The following OTULINL variants were observed in gnomAD, a reference collection of about 807,000 sequenced individuals.
OTULINL encodes the protein OTU deubiquitinase with linear linkage specificity like, also known as inactive ubiquitin thioesterase OTULINL.
In OTULINL, 42 loss-of-function variants were observed where a neutral mutation model predicts 43.9. The ratio of observed to expected loss-of-function variants is 0.96; its 90% CI spans 0.75 to 1.24. OTULINL has a LOEUF of 1.24. Ranked by LOEUF, OTULINL falls within the 50% of genes most tolerant of loss-of-function variation. The probability of loss-of-function intolerance (pLI) is 0.00; values close to 1 mark genes in which losing one functional copy is unlikely to be tolerated. For synonymous variants in OTULINL, 172 were observed against 153.6 expected (o/e 1.12, Z -0.88); for missense variants, 411 against 426.4 (o/e 0.96, Z 0.32).
chr5:14,597,887 A>G (rs1759313831), intron 1 of OTULINL, among the ~76,000 whole-genome samples: 1 of 152,084 alleles, frequency 6.6e-6, no homozygotes, highest in Admixed American at 6.5e-5. Flanking sequence ...CATGTGTTCT[A>G]GGTTTTTTTT....
Position 14,581,807 on chromosome 5 carries a change from GC to G in OTULINL, c.-85del. On this transcript the variant is annotated 5_prime_UTR_variant, in exon 1 of 8. Coordinates refer to ENST00000274217, the MANE Select transcript of OTULINL (RefSeq NM_019018.3). ...TCCCCAGCCCGCCTCAGGGAAGCGA[GC>G]CCGGGCGCCGGCGGGCGGCCGTCGC... 1 of 1,121,146 alleles carries G rather than the reference GC, an allele frequency of 8.9e-7. No individual in the cohort carries two copies. The highest frequency in any genetic ancestry group is 1.1e-6 in the Non-Finnish European group (1 of 874,762). 69.4% of individuals were successfully genotyped at this position (1,121,146 alleles called of 1,614,324 possible). A position where few individuals can be genotyped will look rare whatever the true frequency, so the allele number is the denominator to read the frequency against.
chr5:14,592,274 G>A (rs537256986), intron 1 of OTULINL, among the ~76,000 whole-genome samples: 1 of 152,260 alleles, frequency 6.6e-6, no homozygotes, highest in South Asian at 2.1e-4. Flanking sequence ...TATCATGTAG[G>A]GACTGGTTGA....
At chr5:14,585,240 T>C (rs2126768236) in intron 1 of OTULINL, among the ~76,000 whole-genome samples, 1 of 152,058 alleles carries the variant, frequency 6.6e-6, no homozygotes. Context: ...AGAGAAATAT[T>C]TCCCTTCTTT....
In OTULINL at chr5:14,607,444, T is replaced by C; in HGVS notation, c.613T>C (p.Leu205=). Residue 205 remains leucine (L), a synonymous_variant, in exon 6 of 8, where the codon TTA becomes CTA. Coordinates refer to ENST00000274217, the MANE Select transcript of OTULINL (RefSeq NM_019018.3). ...VFGKLRKYVE[L]LKTQWTEFNG... ...TGGAAAACTACGGAAATATGTGGAA[T>C]TATTGAAAACACAGGTAAGTGTTTG... 6.2e-7 allele frequency: 1 copy of C among 1,613,884 alleles called. No individual in the cohort carries two copies. Among genetic ancestry groups the C allele is most frequent in the Non-Finnish European group, 8.5e-7 (1 of 1,179,920 alleles).
intron 7 of OTULINL, among the ~76,000 whole-genome samples, chr5:14,609,622 T>A (rs1304741398): frequency 1.3e-3 from 3 of 2,360 alleles, no homozygotes; most frequent in African/African-American, 6.8e-3. Context: ...TTTCCTGTGA[T>A]TTTTTTTTTT....
At position 14,599,323 on chromosome 5, in the gene OTULINL, T is replaced by C. The variant is rs557962340; in HGVS notation, c.65-1642T>C. Reference sequence around the variant, plus strand: ...GACCAGCATGGAGAAACCCCATCTCTACTAAAAGTAAAAAACTAGTCGGGC... The same window carrying C: ...GACCAGCATGGAGAAACCCCATCTCCACTAAAAGTAAAAAACTAGTCGGGC... On this transcript the variant is annotated intron_variant, in intron 1 of 7. Coordinates refer to ENST00000274217, the MANE Select transcript of OTULINL (RefSeq NM_019018.3). Among the ~76,000 whole-genome samples, 9 of 152,224 alleles carry C rather than the reference T, an allele frequency of 5.9e-5. No homozygotes were observed. In the South Asian group the frequency reaches 1.4e-3, roughly 25 times the overall value.
At chr5:14,598,175 C>T (rs181192287) in intron 1 of OTULINL, among the ~76,000 whole-genome samples, 194 of 152,266 alleles carry the variant, frequency 1.3e-3, no homozygotes, top group African/African-American at 4.5e-3. Flanking sequence ...CTGCGACAGA[C>T]GAGAGCATGT....
intron 1 of OTULINL, among the ~76,000 whole-genome samples, chr5:14,583,058 T>C (rs935214641): frequency 6.6e-6 from 1 of 152,160 alleles, no homozygotes; most frequent in Non-Finnish European, 1.5e-5. Context: ...ACACACAGTT[T>C]GGGCTGCAGG....
intron 1 of OTULINL, among the ~76,000 whole-genome samples, chr5:14,583,978 G>T (rs781571306): frequency 6.6e-6 from 1 of 152,172 alleles, no homozygotes; most frequent in Non-Finnish European, 1.5e-5. Flanking sequence ...AAGCATCTCT[G>T]CATAATATTA....
At chr5:14,585,868 A>G (rs1230185634) in intron 1 of OTULINL, among the ~76,000 whole-genome samples, 1 of 152,182 alleles carries the variant, frequency 6.6e-6, no homozygotes, top group Non-Finnish European at 1.5e-5. Flanking sequence ...TCTACCTGAG[A>G]GCTCGCCATA....
chr5:14,586,304 T>C (rs26178), intron 1 of OTULINL, among the ~76,000 whole-genome samples: 61,311 of 152,084 alleles, frequency 0.4, 14,743 homozygotes, highest in African/African-American at 0.69. Context: ...CTCATTTTTC[T>C]AGTAACTTTT....
At chr5:14,592,871 A>G (rs1759228794) in intron 1 of OTULINL, among the ~76,000 whole-genome samples, 1 of 152,136 alleles carries the variant, frequency 6.6e-6, no homozygotes, top group African/African-American at 2.4e-5. Context: ...AGGCTTCTCC[A>G]GCCTCCCCTC....
At chr5:14,602,382 C>T in intron 5 of OTULINL, 50 bp downstream of exon 5, 1 of 1,535,026 alleles carries the variant, frequency 6.5e-7, no homozygotes, top group South Asian at 1.2e-5. Context: ...ACAATAACTG[C>T]AACTCAGACT....
intron 7 of OTULINL, 109 bp from the exon 8 acceptor site, chr5:14,610,032 C>T (rs1759551390): frequency 1.1e-6 from 1 of 942,514 alleles, no homozygotes; most frequent in South Asian, 1.5e-5. Context: ...GTGGGTCTGT[C>T]AACAAGCAGA....
chr5:14,591,806 A>C (rs1412213656), intron 1 of OTULINL, among the ~76,000 whole-genome samples: 1 of 152,248 alleles, frequency 6.6e-6, no homozygotes, highest in Admixed American at 6.5e-5. Flanking sequence ...AAACAGGGTC[A>C]GCAAGCCACA....
At chr5:14,594,478 A>G (rs1348090682) in intron 1 of OTULINL, among the ~76,000 whole-genome samples, 2 of 152,176 alleles carry the variant, frequency 1.3e-5, no homozygotes, top group Admixed American at 1.3e-4. Context: ...GAGGTGACCT[A>G]CTGGGGAATG....
chr5:14,610,470 G>T lies in OTULINL; in HGVS notation c.*156G>T. ...CACTGGATGCAGCCATGCATGGATGGTTTTTCTTTATTTTTCAGTGATTTC... is the reference window on the plus strand; with the variant it reads ...CACTGGATGCAGCCATGCATGGATGTTTTTTCTTTATTTTTCAGTGATTTC... On this transcript the variant is annotated 3_prime_UTR_variant, in exon 8 of 8. Coordinates refer to ENST00000274217, the MANE Select transcript of OTULINL (RefSeq NM_019018.3). The T allele has an allele frequency of 2.8e-6, 2 of 717,664 alleles. No individual in the cohort carries two copies. Among genetic ancestry groups the T allele is most frequent in the East Asian group, 2.8e-5 (1 of 36,158 alleles). 44.5% of individuals were successfully genotyped at this position (717,664 alleles called of 1,614,324 possible). A position where few individuals can be genotyped will look rare whatever the true frequency, so the allele number is the denominator to read the frequency against.
At chr5:14,604,964 G>T (rs765862809) in intron 5 of OTULINL, among the ~76,000 whole-genome samples, 8 of 152,152 alleles carry the variant, frequency 5.3e-5, no homozygotes, top group Non-Finnish European at 8.8e-5. Flanking sequence ...TCTGGGGAAC[G>T]GTGGCCCTCT....
rs1284523530 is a variant in OTULINL at position 14,612,524 on chromosome 5, C to A, written c.*2210C>A. 2.0e-5 allele frequency: 3 copies of A among 152,106 alleles called. No individual in the cohort carries two copies. The highest frequency in any genetic ancestry group is 2.9e-5 in the Non-Finnish European group (2 of 68,028). The allele number at this position is 152,106 out of a possible 1,614,324, so 9.4% of individuals were successfully genotyped here. A position where few individuals can be genotyped will look rare whatever the true frequency, so the allele number is the denominator to read the frequency against. On this transcript the variant is annotated 3_prime_UTR_variant, in exon 8 of 8. Coordinates refer to ENST00000274217, the MANE Select transcript of OTULINL (RefSeq NM_019018.3). ...AAGTAAGAAGACATTTAGATAGTTG[C>A]TATATTTTGGGAAGATGTCAAAACA...
Sources: allele counts gnomAD v4.1 joint callset (sites outside exome capture counted in the v4.1 genomes callset), GRCh38; gene constraint gnomAD v4.1.1; transcripts MANE v1.5; gene names NCBI Gene and HGNC (gene_info 2026-07-23, HGNC 2026-07-21).